The following R3HDM2 variants were observed in gnomAD, a reference collection of about 807,000 sequenced individuals.
The protein encoded by R3HDM2 is R3H domain-containing protein 2.
R3HDM2 carries 38 observed loss-of-function variants against 124.5 expected under a neutral mutation model. The observed-to-expected ratio is 0.31, with a 90% CI of 0.24 to 0.40. The LOEUF (loss-of-function observed/expected upper bound fraction) is 0.40, where lower values mean the gene tolerates loss of function less well. Among genes scored for constraint, R3HDM2 ranks in the 10% least tolerant of loss-of-function variants. The probability of loss-of-function intolerance (pLI) is 1.00; values close to 1 mark genes in which losing one functional copy is unlikely to be tolerated. For synonymous variants in R3HDM2, 391 were observed against 448.0 expected (o/e 0.87, Z 1.61); for missense variants, 869 against 1,236.9 (o/e 0.70, Z 4.46).
chr12:57,370,618 C>G (rs1235532561), intron 2 of R3HDM2, among the ~76,000 whole-genome samples: 1 of 152,008 alleles, frequency 6.6e-6, no homozygotes, highest in Non-Finnish European at 1.5e-5. Context: ...CCAGCCTGGG[C>G]AACAAGAGCG....
chr12:57,284,068 A>G lies in R3HDM2; in HGVS notation c.939-12T>C, dbSNP rs1565961648. The G allele has an allele frequency of 1.3e-6, 2 of 1,580,222 alleles. No individual in the cohort carries two copies. The highest frequency in any genetic ancestry group is 2.4e-5 in the East Asian group (1 of 42,526). Reference sequence around the variant, plus strand: ...CTTCACGGTTCCCCCTGCAGAGACCATAGTGGTCAGAGCACCTCCCACCCA... The same window carrying G: ...CTTCACGGTTCCCCCTGCAGAGACCGTAGTGGTCAGAGCACCTCCCACCCA... On this transcript the variant is annotated splice_polypyrimidine_tract_variant and intron_variant, in intron 12 of 23. Transcript: ENST00000402412.
chr12:57,322,173 G>A (rs1179948527), intron 2 of R3HDM2, among the ~76,000 whole-genome samples: 4 of 152,094 alleles, frequency 2.6e-5, no homozygotes, highest in South Asian at 4.1e-4. Flanking sequence ...CCAAGATCGC[G>A]CCACTGCACT....
chr12:57,302,112 C>T (rs1206338776), intron 4 of R3HDM2, among the ~76,000 whole-genome samples: 1 of 151,988 alleles, frequency 6.6e-6, no homozygotes, highest in Non-Finnish European at 1.5e-5. Flanking sequence ...AAAATCCCAC[C>T]TCTACTAAAA....
chr12:57,391,333 G>A (rs887251701), intron 2 of R3HDM2, among the ~76,000 whole-genome samples: 1 of 152,014 alleles, frequency 6.6e-6, no homozygotes, highest in Non-Finnish European at 1.5e-5. Flanking sequence ...CAGGGGTTGG[G>A]GTAAGCCAAT....
At chr12:57,315,286 C>T (rs1213067678) in intron 2 of R3HDM2, among the ~76,000 whole-genome samples, 3 of 152,188 alleles carry the variant, frequency 2.0e-5, no homozygotes, top group Admixed American at 2.0e-4. Context: ...GATCCACCCA[C>T]CACTTCGGCC....
intron 3 of R3HDM2, among the ~76,000 whole-genome samples, chr12:57,309,762 T>C (rs1206333512): frequency 1.3e-5 from 2 of 152,182 alleles, no homozygotes; most frequent in African/African-American, 4.8e-5. Flanking sequence ...CAGGCCCAAA[T>C]AGATTAGGGA....
intron 2 of R3HDM2, among the ~76,000 whole-genome samples, chr12:57,347,333 G>A (rs1048968998): frequency 6.6e-6 from 1 of 151,880 alleles, no homozygotes; most frequent in South Asian, 2.1e-4. Flanking sequence ...GTGTATATGT[G>A]TGCATACATA....
At chr12:57,401,961 G>T (rs1257278500) in intron 1 of R3HDM2, among the ~76,000 whole-genome samples, 1 of 151,862 alleles carries the variant, frequency 6.6e-6, no homozygotes, top group Non-Finnish European at 1.5e-5. Flanking sequence ...TCCAGCCTGG[G>T]CAACAAAGCA....
intron 14 of R3HDM2, among the ~76,000 whole-genome samples, chr12:57,274,422 C>T (rs576137383): frequency 3.3e-5 from 5 of 152,210 alleles, no homozygotes; most frequent in African/African-American, 9.6e-5. Flanking sequence ...TGCAGTGAGC[C>T]GAGATCGCAC....
rs566428883 is a variant in R3HDM2, at chr12:57,261,602, C to T, written c.2132-2543G>A. ...TCCTGAGCTCCTCCCCACACTGAGT[C>T]CTCCCCTGCTGGCCTGAAGCATTGT... On this transcript the variant is annotated intron_variant, in intron 19 of 23. Coordinates refer to ENST00000402412, the MANE Select transcript of R3HDM2 (RefSeq NM_001394031.1). Among the ~76,000 whole-genome samples, 12 of 152,238 alleles carry T rather than the reference C, an allele frequency of 7.9e-5. No homozygotes were observed. The East Asian group carries it at 1.7e-3, about 22-fold the overall frequency.
intron 2 of R3HDM2, among the ~76,000 whole-genome samples, chr12:57,392,164 G>A (rs191813978): frequency 0.011 from 1,717 of 152,276 alleles, 22 homozygotes; most frequent in Non-Finnish European, 0.015. Flanking sequence ...GGCCTCCCAA[G>A]TAGCTGAGAC....
chr12:57,319,337 T>C (rs1177159489), intron 2 of R3HDM2, among the ~76,000 whole-genome samples: 1 of 152,146 alleles, frequency 6.6e-6, no homozygotes, highest in Admixed American at 6.6e-5. Flanking sequence ...CGCCCAGCCT[T>C]AGCTCCATTT....
At chr12:57,372,701 C>A (rs1284978409) in intron 2 of R3HDM2, among the ~76,000 whole-genome samples, 1 of 152,196 alleles carries the variant, frequency 6.6e-6, no homozygotes, top group Non-Finnish European at 1.5e-5. Flanking sequence ...ATTTTCCACA[C>A]CACCAAATTC....
At chr12:57,288,139 C>T (rs1363211031) in intron 12 of R3HDM2, among the ~76,000 whole-genome samples, 1 of 151,554 alleles carries the variant, frequency 6.6e-6, no homozygotes, top group African/African-American at 2.4e-5. Context: ...CTGCCTCAGC[C>T]TCCCGAGAGG....
intron 1 of R3HDM2, chr12:57,418,160 C>A: frequency 1.0e-6 from 1 of 985,414 alleles, no homozygotes; most frequent in African/African-American, 1.7e-5. Context: ...GTAAGCAACA[C>A]CACCCAGTTT....
chr12:57,403,888 A>G (rs2068275328), intron 1 of R3HDM2, among the ~76,000 whole-genome samples: 1 of 152,020 alleles, frequency 6.6e-6, no homozygotes, highest in African/African-American at 2.4e-5. Context: ...GAACCATATA[A>G]ATGTAATACC....
At chr12:57,391,027 A>AG (rs1480641875) in intron 2 of R3HDM2, among the ~76,000 whole-genome samples, 7 of 152,006 alleles carry the variant, frequency 4.6e-5, no homozygotes, top group African/African-American at 1.2e-4. Context: ...AAAAAAAAAA[A>AG]AAAGAAAGAA....
At chr12:57,379,472 C>T (rs946217219) in intron 2 of R3HDM2, among the ~76,000 whole-genome samples, 2 of 151,796 alleles carry the variant, frequency 1.3e-5, no homozygotes, top group African/African-American at 2.4e-5. Context: ...CCCAGCTACT[C>T]GGGAGGCTGA....
At chr12:57,421,450 C>CTTT (rs71084752) in intron 1 of R3HDM2, among the ~76,000 whole-genome samples, 3 of 111,048 alleles carry the variant, frequency 2.7e-5, no homozygotes, top group African/African-American at 3.4e-5. Context: ...ACACCCAGCT[C>CTTT]TTTTTTTTTT....
Sources: allele counts gnomAD v4.1 joint callset (sites outside exome capture counted in the v4.1 genomes callset), GRCh38; gene constraint gnomAD v4.1.1; transcripts MANE v1.5; gene names NCBI Gene and HGNC (gene_info 2026-07-23, HGNC 2026-07-21).